Variants in MYO3A observed in about 807,000 individuals in gnomAD.
MYO3A encodes the protein myosin-IIIa.
A neutral mutation model predicts 192.7 loss-of-function variants in MYO3A; 180 were observed. That is an observed-to-expected ratio of 0.93 (90% CI 0.83 to 1.06). The LOEUF is 1.06. MYO3A is among the 50% of genes least tolerant of loss of function. MYO3A has a pLI of 0.00. For synonymous variants in MYO3A, 628 were observed against 645.3 expected, an observed-to-expected ratio of 0.97 and a Z score of 0.41; for missense variants, 1,896 against 1,905.0, an observed-to-expected ratio of 1.00 and a Z score of 0.09.
chr10:26,068,900 T>A lies in MYO3A; in HGVS notation c.1170+16T>A. 6.9e-7 allele frequency: 1 copy of A among 1,450,002 alleles called. No individual in the cohort carries two copies. Among genetic ancestry groups the A allele is most frequent in the African/African-American group, 1.4e-5 (1 of 71,680 alleles). 89.8% of individuals were successfully genotyped at this position (1,450,002 alleles called of 1,614,324 possible). A position where few individuals can be genotyped will look rare whatever the true frequency, so the allele number is the denominator to read the frequency against. ...CTCCACAAAGGTATGTCGTATGGGG[T>A]GCATTCTGTTACTTCATACACATAA... is the stretch of plus-strand genomic sequence containing the variant. On this transcript the variant is annotated intron_variant, in intron 12 of 34. Coordinates refer to ENST00000642920, the MANE Select transcript of MYO3A (RefSeq NM_017433.5).
chr10:26,137,748 G>A (rs1839933321), intron 20 of MYO3A, among the ~76,000 whole-genome samples: 1 of 152,152 alleles, frequency 6.6e-6, no homozygotes, highest in African/African-American at 2.4e-5. Context: ...ATTCCTGGGG[G>A]AGGTCTATAA....
chr10:26,197,284 G>A (rs1371729748), intron 32 of MYO3A, among the ~76,000 whole-genome samples: 1 of 151,508 alleles, frequency 6.6e-6, no homozygotes, highest in Non-Finnish European at 1.5e-5. Flanking sequence ...GTGAATGAGT[G>A]CAGTGTTGTG....
intron 6 of MYO3A, among the ~76,000 whole-genome samples, chr10:26,003,318 A>G (rs1008956712): frequency 8.5e-5 from 13 of 152,230 alleles, no homozygotes; most frequent in African/African-American, 3.1e-4. Flanking sequence ...CTAAATAATG[A>G]AAATCTGAGT....
At chr10:26,135,696 C>T (rs1442354211) in intron 20 of MYO3A, among the ~76,000 whole-genome samples, 4 of 152,148 alleles carry the variant, frequency 2.6e-5, no homozygotes, top group South Asian at 2.1e-4. Flanking sequence ...GAAACTCGAC[C>T]GGGCGCAGTG....
At chr10:26,114,097 A>G (rs1047887821) in intron 17 of MYO3A, among the ~76,000 whole-genome samples, 3 of 151,628 alleles carry the variant, frequency 2.0e-5, no homozygotes, top group African/African-American at 4.8e-5. Flanking sequence ...CTCCTCCCCA[A>G]CCTCCCTCCA....
At chr10:26,189,918 C>G (rs529747145) in intron 31 of MYO3A, among the ~76,000 whole-genome samples, 1 of 152,038 alleles carries the variant, frequency 6.6e-6, no homozygotes, top group African/African-American at 2.4e-5. Context: ...TAAAAATTAT[C>G]TGGGCGCAGT....
At chr10:25,995,600 T>G (rs1237114470) in intron 4 of MYO3A, among the ~76,000 whole-genome samples, 1 of 152,180 alleles carries the variant, frequency 6.6e-6, no homozygotes, top group Non-Finnish European at 1.5e-5. Flanking sequence ...AATTTTCAGT[T>G]TTTCTGTTCT....
chr10:26,047,451 T>C (rs1843695410), intron 10 of MYO3A, among the ~76,000 whole-genome samples: 1 of 152,190 alleles, frequency 6.6e-6, no homozygotes, highest in African/African-American at 2.4e-5. Flanking sequence ...TTTGACTGAA[T>C]CCATTTTTAC....
In MYO3A at chr10:26,096,492, G is replaced by C; in HGVS notation, c.1661+13G>C. 1 of 1,608,664 alleles carries C rather than the reference G, an allele frequency of 6.2e-7. No individual in the cohort carries two copies. Among genetic ancestry groups the C allele is most frequent in the Non-Finnish European group, 8.5e-7 (1 of 1,175,302 alleles). On this transcript the variant is annotated intron_variant, in intron 16 of 34. Transcript: ENST00000642920. ...ATAAGCCTCCCAGGTAATCTACCAGGTTGAGCTTTCATCAATAATACTTTC... is the reference window on the plus strand; with the variant it reads ...ATAAGCCTCCCAGGTAATCTACCAGCTTGAGCTTTCATCAATAATACTTTC...
At chr10:26,050,813 G>C (rs796566618) in intron 10 of MYO3A, among the ~76,000 whole-genome samples, 17 of 152,084 alleles carry the variant, frequency 1.1e-4, no homozygotes, top group African/African-American at 4.1e-4. Flanking sequence ...CTCTCACCCA[G>C]CCCAGAGCCA....
intron 4 of MYO3A, among the ~76,000 whole-genome samples, chr10:25,957,220 A>G (rs1283357909): frequency 6.6e-6 from 1 of 152,160 alleles, no homozygotes; most frequent in Admixed American, 6.6e-5. Flanking sequence ...GTGGGAAGTA[A>G]CTGAATCGTG....
At chr10:26,178,250 G>T (rs868768497) in intron 31 of MYO3A, among the ~76,000 whole-genome samples, 1 of 152,216 alleles carries the variant, frequency 6.6e-6, no homozygotes, top group Non-Finnish European at 1.5e-5. Flanking sequence ...ACCCCAGGCC[G>T]CTGCTGGAAA....
intron 15 of MYO3A, among the ~76,000 whole-genome samples, chr10:26,095,345 A>G (rs1381872404): frequency 6.6e-6 from 1 of 152,200 alleles, no homozygotes; most frequent in Non-Finnish European, 1.5e-5. Flanking sequence ...GAGCCTGGTG[A>G]TAATGGAGTG....
At chr10:26,155,956 A>G (rs1841083187) in intron 25 of MYO3A, among the ~76,000 whole-genome samples, 1 of 152,204 alleles carries the variant, frequency 6.6e-6, no homozygotes, top group South Asian at 2.1e-4. Flanking sequence ...ATAGAAGATA[A>G]TCCCACCTAA....
chr10:26,164,309 G>T (rs982315528), intron 26 of MYO3A, among the ~76,000 whole-genome samples: 5 of 152,148 alleles, frequency 3.3e-5, no homozygotes, highest in South Asian at 2.1e-4. Context: ...CCAGAAGAGA[G>T]AAATGAGATT....
At chr10:25,962,380 G>T (rs1410034777) in intron 4 of MYO3A, among the ~76,000 whole-genome samples, 1 of 152,042 alleles carries the variant, frequency 6.6e-6, no homozygotes. Context: ...TAGTAAAAGG[G>T]CACTAGTTGC....
intron 6 of MYO3A, among the ~76,000 whole-genome samples, chr10:25,999,567 A>G (rs764205464): frequency 6.6e-6 from 1 of 152,202 alleles, no homozygotes; most frequent in Non-Finnish European, 1.5e-5. Context: ...CAATGTCCTC[A>G]TTTTATTTTT....
chr10:25,950,824 T>A (rs1490497731), intron 2 of MYO3A, among the ~76,000 whole-genome samples: 2 of 152,106 alleles, frequency 1.3e-5, no homozygotes, highest in Non-Finnish European at 2.9e-5. Flanking sequence ...GCCAGACAAG[T>A]GAATTTCATG....
chr10:26,024,066 A>C lies in MYO3A; in HGVS notation c.776A>C (p.Glu259Ala). ...KLRQPELWSA[E>A]FNDFISKCLT... The stretch of plus-strand genomic sequence containing the variant: ...AGGCAGCCTGAGCTATGGTCAGCAG[A>C]ATTCAATGACTTCATAAGCAAGTGA... The change falls in exon 9 of 35, where the codon GAA (glutamate) becomes GCA (alanine). Residue 259 changes from glutamate (E) to alanine (A), a missense_variant. Coordinates refer to ENST00000642920, the MANE Select transcript of MYO3A (RefSeq NM_017433.5). 6.2e-7 allele frequency: 1 copy of C among 1,613,210 alleles called. No individual in the cohort carries two copies. The highest frequency in any genetic ancestry group is 2.2e-5 in the East Asian group (1 of 44,848).
Sources: gnomAD v4.1 joint callset for allele counts (sites outside exome capture counted in the v4.1 genomes callset) on GRCh38, gnomAD v4.1.1 for gene constraint, MANE v1.5 for transcripts, NCBI Gene and HGNC (gene_info 2026-07-23, HGNC 2026-07-21) for gene names.